ADAMTS6: variants seen among roughly 807,000 people sequenced by gnomAD.
ADAMTS6 encodes A disintegrin and metalloproteinase with thrombospondin motifs 6.
In ADAMTS6, 23 loss-of-function variants were observed where a neutral mutation model predicts 144.3. That is an observed-to-expected ratio of 0.16 (90% CI 0.11 to 0.23). The LOEUF (loss-of-function observed/expected upper bound fraction) is 0.23, where lower values mean the gene tolerates loss of function less well. ADAMTS6 is among the 10% of genes least tolerant of loss of function. The pLI is 1.00. For missense variants in ADAMTS6, 999 were observed against 1,379.6 expected (o/e 0.72, Z 4.37); for synonymous variants, 444 against 457.5 (o/e 0.97, Z 0.38).
At chr5:65,183,701 G>A (rs7729945) in intron 22 of ADAMTS6, among the ~76,000 whole-genome samples, 55,827 of 151,898 alleles carry the variant, frequency 0.37, 10,545 homozygotes, top group Admixed American at 0.48. Flanking sequence ...CCACGGTTAC[G>A]TATGTATAGA....
chr5:65,297,291 C>A (rs190328664), intron 10 of ADAMTS6: 127 of 454,996 alleles, frequency 2.8e-4, no homozygotes, highest in Admixed American at 6.1e-4. Context: ...CCTGATTGAT[C>A]AATAGCATCT....
chr5:65,403,886 G>A (rs1245458627), intron 7 of ADAMTS6, among the ~76,000 whole-genome samples: 1 of 151,924 alleles, frequency 6.6e-6, no homozygotes, highest in Non-Finnish European at 1.5e-5. Context: ...CTCTTCAGAA[G>A]AGAACAAGAA....
At chr5:65,326,742 A>G (rs1746211456) in intron 9 of ADAMTS6, among the ~76,000 whole-genome samples, 1 of 152,214 alleles carries the variant, frequency 6.6e-6, no homozygotes, top group South Asian at 2.1e-4. Context: ...GGATATATTT[A>G]CTATGGCTAC....
intron 2 of ADAMTS6, among the ~76,000 whole-genome samples, chr5:65,472,223 G>T (rs1004930422): frequency 1.3e-5 from 2 of 151,504 alleles, no homozygotes; most frequent in African/African-American, 4.9e-5. Context: ...GAAATATCCA[G>T]AATAGGGAAA....
chr5:65,371,732 C>G (rs1432179924), intron 7 of ADAMTS6, among the ~76,000 whole-genome samples: 1 of 151,998 alleles, frequency 6.6e-6, no homozygotes, highest in Non-Finnish European at 1.5e-5. Context: ...CCCAATCTAG[C>G]AAGGCAGGCC....
intron 7 of ADAMTS6, among the ~76,000 whole-genome samples, chr5:65,426,400 G>A (rs1165521676): frequency 1.3e-5 from 2 of 151,754 alleles, no homozygotes; most frequent in Non-Finnish European, 2.9e-5. Context: ...TCACTTCTCA[G>A]CCTTTTGGCT....
intron 11 of ADAMTS6, among the ~76,000 whole-genome samples, chr5:65,280,988 G>T (rs1385131578): frequency 6.6e-6 from 1 of 152,136 alleles, no homozygotes; most frequent in African/African-American, 2.4e-5. Context: ...CATATTTCAT[G>T]ATCACTTAGG....
chr5:65,406,739 A>T (rs1247275976), intron 7 of ADAMTS6, among the ~76,000 whole-genome samples: 1 of 151,690 alleles, frequency 6.6e-6, no homozygotes, highest in Non-Finnish European at 1.5e-5. Context: ...TCCTCCTTGT[A>T]CCTCTGGTTA....
At chr5:65,469,876 T>C (rs1215461349) in intron 3 of ADAMTS6, among the ~76,000 whole-genome samples, 1 of 152,196 alleles carries the variant, frequency 6.6e-6, no homozygotes. Context: ...AGCATCAAAA[T>C]GTTTTTACCC....
intron 7 of ADAMTS6, among the ~76,000 whole-genome samples, chr5:65,418,980 G>A (rs1755787187): frequency 6.6e-6 from 1 of 152,182 alleles, no homozygotes; most frequent in Admixed American, 6.5e-5. Flanking sequence ...AGTGTGGAAA[G>A]CAGTTCGGAG....
intron 7 of ADAMTS6, among the ~76,000 whole-genome samples, chr5:65,384,777 C>T (rs552833771): frequency 6.6e-5 from 10 of 152,284 alleles, no homozygotes; most frequent in South Asian, 2.1e-4. Flanking sequence ...ATTTGTTATA[C>T]GGCAACACCC....
At chr5:65,391,523 C>A (rs866623226) in intron 7 of ADAMTS6, among the ~76,000 whole-genome samples, 25 of 151,944 alleles carry the variant, frequency 1.6e-4, no homozygotes, top group Non-Finnish European at 2.8e-4. Flanking sequence ...CCTAAGAAAT[C>A]CACTTAATGC....
intron 1 of ADAMTS6, among the ~76,000 whole-genome samples, chr5:65,474,326 C>T (rs547084576): frequency 6.6e-6 from 1 of 152,188 alleles, no homozygotes; most frequent in South Asian, 2.1e-4. Flanking sequence ...AATCCCATTC[C>T]ATAACATGCC....
intron 7 of ADAMTS6, among the ~76,000 whole-genome samples, chr5:65,433,233 C>T (rs1184502193): frequency 1.3e-5 from 2 of 152,054 alleles, no homozygotes; most frequent in African/African-American, 2.4e-5. Flanking sequence ...TTCTCAAAAC[C>T]TAGTATGTGA....
In ADAMTS6 at chr5:65,223,176, T is replaced by A. The variant is rs975045722; in HGVS notation, c.2272+1144A>T. ...ACATCCATTTTGGGAAATATTTTCA[T>A]ACTTTCTTTTTTTTCCAGCTTTGTT... On this transcript the variant is annotated intron_variant, in intron 18 of 24. Coordinates refer to ENST00000381055, the MANE Select transcript of ADAMTS6 (RefSeq NM_197941.4). 4.6e-5 allele frequency among the ~76,000 whole-genome samples: 7 copies of A among 152,290 alleles called. No homozygotes were observed. The East Asian group carries it at 1.2e-3, about 25-fold the overall frequency.
chr5:65,380,631 T>C (rs1751964829), intron 7 of ADAMTS6, among the ~76,000 whole-genome samples: 1 of 152,174 alleles, frequency 6.6e-6, no homozygotes, highest in Non-Finnish European at 1.5e-5. Context: ...GCCCCTAAAT[T>C]GATGGACAAA....
chr5:65,188,544 G>A (rs1376934157), intron 21 of ADAMTS6, among the ~76,000 whole-genome samples: 2 of 152,090 alleles, frequency 1.3e-5, no homozygotes, highest in African/African-American at 4.8e-5. Flanking sequence ...GGTTAAATAA[G>A]GTCATATATA....
intron 11 of ADAMTS6, among the ~76,000 whole-genome samples, chr5:65,282,187 A>G (rs935970033): frequency 1.1e-4 from 17 of 152,166 alleles, no homozygotes; most frequent in African/African-American, 4.1e-4. Flanking sequence ...ACATGGCCCC[A>G]GGAGATCCTA....
chr5:65,312,150 C>T (rs1561409504), intron 9 of ADAMTS6, among the ~76,000 whole-genome samples: 1 of 151,852 alleles, frequency 6.6e-6, no homozygotes, highest in Non-Finnish European at 1.5e-5. Flanking sequence ...TTTCCTCATG[C>T]TGTTTAATAT....
Sources: allele counts gnomAD v4.1 joint callset (sites outside exome capture counted in the v4.1 genomes callset), GRCh38; gene constraint gnomAD v4.1.1; transcripts MANE v1.5; gene names NCBI Gene and HGNC (gene_info 2026-07-23, HGNC 2026-07-21).